COBL: variants seen among roughly 807,000 people sequenced by gnomAD.
COBL encodes protein cordon-bleu.
Under a neutral mutation model 98.8 loss-of-function variants are expected in COBL, and 51 were observed. The ratio of observed to expected loss-of-function variants is 0.52; its 90% CI spans 0.41 to 0.65. The LOEUF (loss-of-function observed/expected upper bound fraction) is 0.65. Ranked by LOEUF, COBL falls within the 30% of genes least tolerant of loss-of-function variation. The probability of loss-of-function intolerance (pLI) is 0.00; values close to 1 mark genes in which losing one functional copy is unlikely to be tolerated. For missense variants in COBL, 1,617 were observed against 1,617.5 expected, an observed-to-expected ratio of 1.00 and a Z score of 0.01; for synonymous variants, 634 against 651.7, an observed-to-expected ratio of 0.97 and a Z score of 0.41.
At chr7:51,243,658 G>A (rs1020993108) in intron 1 of COBL, among the ~76,000 whole-genome samples, 3 of 152,134 alleles carry the variant, frequency 2.0e-5, no homozygotes, top group Admixed American at 6.5e-5. Context: ...GGAAGGTCAC[G>A]TACAGTATGA....
chr7:51,038,455 T>C (rs2128882467), intron 8 of COBL, among the ~76,000 whole-genome samples: 1 of 152,332 alleles, frequency 6.6e-6, no homozygotes, highest in East Asian at 1.9e-4. Context: ...AGCTTGTCAA[T>C]GTGTGAACCC....
intron 5 of COBL, among the ~76,000 whole-genome samples, chr7:51,177,996 A>C (rs1170705058): frequency 6.6e-6 from 1 of 151,934 alleles, no homozygotes; most frequent in Admixed American, 6.6e-5. Flanking sequence ...AAATACAAAA[A>C]TTAGCTGGGC....
intron 6 of COBL, among the ~76,000 whole-genome samples, chr7:51,093,495 T>C (rs1794998716): frequency 6.6e-6 from 1 of 152,236 alleles, no homozygotes; most frequent in African/African-American, 2.4e-5. Context: ...TCCCCACTTC[T>C]GAGTACTATC....
chr7:51,138,274 T>C (rs1015038917), intron 5 of COBL, among the ~76,000 whole-genome samples: 3 of 152,236 alleles, frequency 2.0e-5, no homozygotes, highest in Admixed American at 2.0e-4. Flanking sequence ...CCTTGAGTCC[T>C]TGAGTTCTGC....
chr7:51,244,794 G>A (rs577166390), intron 1 of COBL, among the ~76,000 whole-genome samples: 1 of 152,058 alleles, frequency 6.6e-6, no homozygotes, highest in African/African-American at 2.4e-5. Flanking sequence ...TCCAAGTCCC[G>A]GAAGACCTCG....
At position 51,085,542 on chromosome 7, in the gene COBL, T is replaced by C. The variant is rs570573807; in HGVS notation, c.958-238A>G. ...CCTGGAGGTGGCACAGTGTTGCTCATAGACACCCCAAAGACCCCTATGAGC... is the reference window on the plus strand; with the variant it reads ...CCTGGAGGTGGCACAGTGTTGCTCACAGACACCCCAAAGACCCCTATGAGC... On this transcript the variant is annotated intron_variant, in intron 6 of 12. Coordinates refer to ENST00000265136, the MANE Select transcript of COBL (RefSeq NM_015198.5). Among the ~76,000 whole-genome samples, 10 of 152,176 alleles carry C rather than the reference T, an allele frequency of 6.6e-5. No individual in the cohort carries two copies. The South Asian group carries it at 8.3e-4, about 13-fold the overall frequency.
chr7:51,029,157 C>T lies in COBL; in HGVS notation c.1939G>A (p.Val647Met). The change falls in exon 10 of 13, where the codon GTG becomes ATG. Residue 647 changes from valine to methionine, a missense_variant. Physicochemically the swap from Val to Met is conservative, Grantham distance 21 (BLOSUM62 1). Around this residue, in one of 3 missense-constraint regions of COBL, gnomAD observed 1,304 missense variants for 1,282.0 expected, o/e 1.02. Coordinates refer to ENST00000265136, the MANE Select transcript of COBL (RefSeq NM_015198.5). Reference sequence around the variant, plus strand: ...GCACAGCCATACACTTTGTCTTTCACTTTTGCATTTAGGTTGTCTGTGTGA... The same window carrying T: ...GCACAGCCATACACTTTGTCTTTCATTTTTGCATTTAGGTTGTCTGTGTGA... ...NLHTDNLNAK[V>M]KDKVYGCADG... 3 of 1,614,192 alleles carry T rather than the reference C, an allele frequency of 1.9e-6. No homozygotes were observed. The highest frequency in any genetic ancestry group is 1.1e-5 in the South Asian group (1 of 91,076).
intron 5 of COBL, chr7:51,172,448 G>C (rs1341705428): frequency 7.8e-7 from 1 of 1,286,374 alleles, no homozygotes; most frequent in African/African-American, 1.5e-5. Flanking sequence ...TGGGGCATTA[G>C]TACTCACGTT....
At chr7:51,191,750 T>G (rs1790137377) in intron 3 of COBL, among the ~76,000 whole-genome samples, 1 of 152,158 alleles carries the variant, frequency 6.6e-6, no homozygotes, top group Non-Finnish European at 1.5e-5. Context: ...TAATTCTAAA[T>G]GACTGCAGAT....
chr7:51,106,091 C>A (rs955649690), intron 6 of COBL, among the ~76,000 whole-genome samples: 18 of 150,006 alleles, frequency 1.2e-4, no homozygotes, highest in Non-Finnish European at 2.2e-4. Flanking sequence ...GTAATCCCAG[C>A]TACTCAGGAG....
intron 1 of COBL, among the ~76,000 whole-genome samples, chr7:51,226,810 T>C (rs544365226): frequency 2.0e-4 from 30 of 152,222 alleles, no homozygotes; most frequent in African/African-American, 7.2e-4. Flanking sequence ...TTTCTAAACA[T>C]GCCATGATCC....
At chr7:51,142,030 C>T (rs377411821) in intron 5 of COBL, among the ~76,000 whole-genome samples, 5 of 152,288 alleles carry the variant, frequency 3.3e-5, no homozygotes, top group African/African-American at 1.2e-4. Context: ...TGTCTTCTGG[C>T]ATCCTGGAAA....
chr7:51,039,273 G>C (rs898400464), intron 8 of COBL, among the ~76,000 whole-genome samples: 2 of 152,220 alleles, frequency 1.3e-5, no homozygotes, highest in African/African-American at 4.8e-5. Context: ...TGTTCTAATA[G>C]GGTTCCTCTG....
At chr7:51,070,018 C>T (rs1393890929) in intron 7 of COBL, among the ~76,000 whole-genome samples, 5 of 152,014 alleles carry the variant, frequency 3.3e-5, no homozygotes, top group Admixed American at 6.6e-5. Context: ...TTTTATGCAG[C>T]TTCGTTCACG....
At chr7:51,250,101 CAA>C (rs1292556366) in intron 1 of COBL, among the ~76,000 whole-genome samples, 2 of 143,002 alleles carry the variant, frequency 1.4e-5, no homozygotes, top group African/African-American at 2.6e-5. Context: ...GACTCCATTT[CAA>C]AAAAAAAAAG....
At chr7:51,303,824 T>C (rs1442932527) in intron 1 of COBL, among the ~76,000 whole-genome samples, 3 of 152,288 alleles carry the variant, frequency 2.0e-5, no homozygotes, top group Admixed American at 1.3e-4. Flanking sequence ...TTTTATCCAA[T>C]ATCCAAACAT....
chr7:51,194,348 T>C (rs28542281), intron 2 of COBL, among the ~76,000 whole-genome samples: 8,215 of 152,294 alleles, frequency 0.054, 291 homozygotes, highest in Middle Eastern at 0.14. Flanking sequence ...ATTTTCTTTA[T>C]CCAACATACT....
intron 1 of COBL, among the ~76,000 whole-genome samples, chr7:51,308,831 A>G (rs1802734451): frequency 6.6e-6 from 1 of 152,234 alleles, no homozygotes; most frequent in Non-Finnish European, 1.5e-5. Flanking sequence ...CATAAAAAGC[A>G]AAGGACGTCA....
intron 1 of COBL, among the ~76,000 whole-genome samples, chr7:51,284,517 C>T (rs1167286340): frequency 6.6e-6 from 1 of 150,450 alleles, no homozygotes; most frequent in African/African-American, 2.4e-5. Context: ...AAAAAAAAAA[C>T]TTCCTAAGCC....
Sources: allele counts gnomAD v4.1 joint callset (sites outside exome capture counted in the v4.1 genomes callset), GRCh38; gene constraint gnomAD v4.1.1; regional missense constraint gnomAD v4.1.1; transcripts MANE v1.5; gene names NCBI Gene and HGNC (gene_info 2026-07-23, HGNC 2026-07-21).